Variants in NEDD9 observed in about 807,000 individuals in gnomAD.
NEDD9 encodes the protein enhancer of filamentation 1.
A neutral mutation model predicts 76.6 loss-of-function variants in NEDD9; 26 were observed. The observed-to-expected ratio is 0.34, with a 90% confidence interval of 0.25 to 0.47. The LOEUF (loss-of-function observed/expected upper bound fraction) is 0.47. NEDD9 is among the 20% of genes least tolerant of loss of function. NEDD9 has a pLI of 1.00. For missense variants in NEDD9, 937 were observed against 1,058.5 expected, an observed-to-expected ratio of 0.89 and a Z score of 1.59; for synonymous variants, 392 against 414.2, an observed-to-expected ratio of 0.95 and a Z score of 0.65.
At chr6:11,380,667 C>T (rs1763046189) in intron 1 of NEDD9, among the ~76,000 whole-genome samples, 1 of 152,220 alleles carries the variant, frequency 6.6e-6, no homozygotes, top group Non-Finnish European at 1.5e-5. Context: ...CAATCTAATC[C>T]TTACCACAGC....
At chr6:11,285,937 G>T (rs560350684) in intron 3 of NEDD9, among the ~76,000 whole-genome samples, 12 of 152,192 alleles carry the variant, frequency 7.9e-5, no homozygotes, top group African/African-American at 2.9e-4. Context: ...GGTAGGCAAG[G>T]ATTTCTTAGT....
rs7738851 is a variant in NEDD9, at chr6:11,241,555, A to C, written c.13-27828T>G. On this transcript the variant is annotated intron_variant, in intron 3 of 3. Coordinates refer to the NEDD9 transcript ENST00000397378. This position sits in a 1 kb window ranked among gnomAD's most constrained non-coding sequence, Gnocchi z 4.0. ...CGAGCTTTGCCATTCTCCAGCGCAC[A>C]CTGGCCTCCGGAAGCCATCTTCCAC... Among the ~76,000 whole-genome samples, 1 of 151,940 alleles carries C rather than the reference A, an allele frequency of 6.6e-6. No individual in the cohort carries two copies. The highest frequency in any genetic ancestry group is 1.5e-5 in the Non-Finnish European group (1 of 68,008).
intron 4 of NEDD9, among the ~76,000 whole-genome samples, chr6:11,191,754 C>G (rs1355566053): frequency 1.3e-5 from 2 of 152,164 alleles, no homozygotes. Flanking sequence ...AGCCTGTAAT[C>G]TCAGCACTTT....
chr6:11,216,116 T>A (rs1392110975), intron 1 of NEDD9, among the ~76,000 whole-genome samples: 2 of 152,204 alleles, frequency 1.3e-5, no homozygotes, highest in Non-Finnish European at 2.9e-5. Flanking sequence ...CAGTCTGGGC[T>A]AATGTGGGCA....
At chr6:11,319,533 A>ACACTG (rs1561832536) in intron 2 of NEDD9, among the ~76,000 whole-genome samples, 1 of 58,864 alleles carries the variant, frequency 1.7e-5, no homozygotes, top group Non-Finnish European at 3.3e-5. Context: ...CACTCACACT[A>ACACTG]ACATGCGGAC....
At chr6:11,351,706 T>C (rs1762472825) in intron 1 of NEDD9, among the ~76,000 whole-genome samples, 1 of 152,250 alleles carries the variant, frequency 6.6e-6, no homozygotes, top group African/African-American at 2.4e-5. Context: ...TCCATGACTG[T>C]CCACTCTTCA....
At chr6:11,262,566 G>A (rs1440995917) in intron 3 of NEDD9, among the ~76,000 whole-genome samples, 1 of 152,192 alleles carries the variant, frequency 6.6e-6, no homozygotes, top group Non-Finnish European at 1.5e-5. Context: ...TTGGAACGGG[G>A]AAATATGACT....
intron 1 of NEDD9, among the ~76,000 whole-genome samples, chr6:11,343,978 T>C (rs1762320122): frequency 6.6e-6 from 1 of 152,188 alleles, no homozygotes; most frequent in Admixed American, 6.5e-5. Flanking sequence ...ACTTTATCCA[T>C]TGGAAGATAG....
chr6:11,256,002 C>T (rs1166829630), intron 3 of NEDD9, among the ~76,000 whole-genome samples: 1 of 152,142 alleles, frequency 6.6e-6, no homozygotes, highest in Non-Finnish European at 1.5e-5. Context: ...CACCACTAGG[C>T]CCCCATCAGC....
At chr6:11,188,985 C>T (rs10947002) in intron 5 of NEDD9, among the ~76,000 whole-genome samples, 18,098 of 148,796 alleles carry the variant, frequency 0.12, 1,480 homozygotes, top group Non-Finnish European at 0.18. Context: ...CTCGCTCTGT[C>T]GCCCAGGCTG....
At chr6:11,269,424 C>T (rs1561811631) in intron 3 of NEDD9, among the ~76,000 whole-genome samples, 1 of 152,180 alleles carries the variant, frequency 6.6e-6, no homozygotes, top group Non-Finnish European at 1.5e-5. Context: ...TCACTAAACA[C>T]TAATATCTAA....
At chr6:11,269,427 A>ATATC (rs1459875286) in intron 3 of NEDD9, among the ~76,000 whole-genome samples, 2 of 152,240 alleles carry the variant, frequency 1.3e-5, no homozygotes, top group Non-Finnish European at 2.9e-5. Flanking sequence ...CTAAACACTA[A>ATATC]TATCTAAGTT....
chr6:11,233,956 T>G (rs954399424), upstream of NEDD9, among the ~76,000 whole-genome samples: 1 of 152,104 alleles, frequency 6.6e-6, no homozygotes, highest in African/African-American at 2.4e-5. Context: ...TCCCAATGGA[T>G]GAAAACTCTA....
intron 3 of NEDD9, among the ~76,000 whole-genome samples, chr6:11,270,651 A>G (rs4713333): frequency 0.39 from 59,944 of 152,046 alleles, 13,616 homozygotes; most frequent in African/African-American, 0.64. Context: ...GGAGCTGGCA[A>G]AACCCTAGAA....
chr6:11,227,952 C>G (rs9357093), intron 1 of NEDD9, among the ~76,000 whole-genome samples: 73,178 of 151,690 alleles, frequency 0.48, 18,666 homozygotes, highest in East Asian at 0.61. Context: ...TAAACGCAAA[C>G]AGAGAGGCAG....
Position 11,185,009 on chromosome 6 carries a change from A to C in NEDD9, c.*153T>G. On this transcript the variant is annotated 3_prime_UTR_variant, in exon 7 of 7. Transcript: ENST00000379446. ...AAAGATTTCCCTCTCCAGCTCCCTG[A>C]ATTTCTGAAAGTTGACTGACCCATA... The C allele has an allele frequency of 1.0e-6, 1 of 980,596 alleles. No individual in the cohort carries two copies. The highest frequency in any genetic ancestry group is 1.4e-6 in the Non-Finnish European group (1 of 696,634). 60.7% of individuals were successfully genotyped at this position (980,596 alleles called of 1,614,324 possible). A position where few individuals can be genotyped will look rare whatever the true frequency, so the allele number is the denominator to read the frequency against.
intron 1 of NEDD9, among the ~76,000 whole-genome samples, chr6:11,341,958 T>G (rs991198826): frequency 2.0e-5 from 3 of 152,070 alleles, no homozygotes; most frequent in African/African-American, 4.8e-5. Flanking sequence ...CAAATGGCCC[T>G]AAGTTGTGAG....
At chr6:11,239,672 C>T (rs1020252278) in intron 3 of NEDD9, among the ~76,000 whole-genome samples, 1 of 152,182 alleles carries the variant, frequency 6.6e-6, no homozygotes, top group African/African-American at 2.4e-5. Context: ...GGCTACCCGA[C>T]CTTACCCCGA....
chr6:11,192,213 AT>A, intron 4 of NEDD9, 131 bp downstream of exon 4: 1 of 569,806 alleles, frequency 1.8e-6, no homozygotes, highest in Non-Finnish European at 3.0e-6. Context: ...CCAAGACTAC[AT>A]TTTCCCCTTT....
Sources: allele counts gnomAD v4.1 joint callset (sites outside exome capture counted in the v4.1 genomes callset), GRCh38; gene constraint gnomAD v4.1.1; non-coding constraint Gnocchi (gnomAD v3.1); transcripts MANE v1.5; gene names NCBI Gene and HGNC (gene_info 2026-07-23, HGNC 2026-07-21).